Variants in MAN2A1 observed in about 807,000 individuals in gnomAD.
The protein encoded by MAN2A1 is mannosidase alpha class 2A member 1.
In MAN2A1, 76 loss-of-function variants were observed where a neutral mutation model predicts 142.6. The observed-to-expected ratio is 0.53, with a 90% CI of 0.44 to 0.65. MAN2A1 has a LOEUF of 0.65. MAN2A1 is among the 30% of genes least tolerant of loss of function. The pLI is 0.00. For synonymous variants in MAN2A1, 559 were observed against 473.2 expected, an observed-to-expected ratio of 1.18 and a Z score of -2.35; for missense variants, 1,311 against 1,365.1, an observed-to-expected ratio of 0.96 and a Z score of 0.62.
intron 1 of MAN2A1, 36 bp downstream of exon 1, chr5:109,690,588 G>A (rs759098487): frequency 1.3e-6 from 2 of 1,555,650 alleles, no homozygotes; most frequent in Non-Finnish European, 1.7e-6. Flanking sequence ...GGCTCCGAGG[G>A]GCCAGGCGTG....
chr5:109,817,501 G>A lies in MAN2A1; in HGVS notation c.2109+63G>A. The stretch of plus-strand genomic sequence containing the variant: ...AACAAACCTAGCCAGTATATAATTT[G>A]TGTATGTACAGTAGCCCCCATTTAG... On this transcript the variant is annotated intron_variant, in intron 13 of 21. Coordinates refer to ENST00000261483, the MANE Select transcript of MAN2A1 (RefSeq NM_002372.4). 5 of 1,513,746 alleles carry A rather than the reference G, an allele frequency of 3.3e-6. No individual in the cohort carries two copies. In the Admixed American group the frequency reaches 6.8e-5, roughly 21 times the overall value. The allele number at this position is 1,513,746 out of a possible 1,614,324, so 93.8% of individuals were successfully genotyped here. A position where few individuals can be genotyped will look rare whatever the true frequency, so the allele number is the denominator to read the frequency against.
In MAN2A1 at chr5:109,770,407, T is replaced by C. The variant is rs770195644; in HGVS notation, c.1062T>C (p.Tyr354=). 6.8e-6 allele frequency: 11 copies of C among 1,613,962 alleles called. No individual in the cohort carries two copies. The highest frequency in any genetic ancestry group is 1.7e-6 in the Non-Finnish European group (2 of 1,179,928). Residue 354 remains tyrosine (Y), a synonymous_variant, in exon 7 of 22, where the codon TAT becomes TAC. Transcript: ENST00000261483. ...ILCHMMPFYS[Y]DIPHTCGPDP... ...GCCACATGATGCCCTTCTACAGCTA[T>C]GACATCCCTCACACTTGTGGACCTG...
At chr5:109,803,113 A>G (rs1382449797) in intron 12 of MAN2A1, among the ~76,000 whole-genome samples, 1 of 152,106 alleles carries the variant, frequency 6.6e-6, no homozygotes, top group Non-Finnish European at 1.5e-5. Context: ...TCAATTTCAC[A>G]TGAACTTTAA....
rs774986398 is a variant in MAN2A1 at position 109,866,979 on chromosome 5, T to C, written c.3416T>C (p.Phe1139Ser). ...TTGAGTCCAATGGAAATCAGCACAT[T>C]CCGAATCCAGTTGAGGTGAACCTGA... ...INLSPMEISTFRIQLR is the reference protein window; with the variant it reads ...INLSPMEISTSRIQLR Residue 1139 changes from phenylalanine to serine, a missense_variant, in exon 22 of 22, where the codon TTC becomes TCC. Physicochemically the swap from Phe to Ser is radical, Grantham distance 155. Coordinates refer to ENST00000261483, the MANE Select transcript of MAN2A1 (RefSeq NM_002372.4). The C allele has an allele frequency of 1.9e-6, 3 of 1,609,978 alleles. No homozygotes were observed. The highest frequency in any genetic ancestry group is 2.5e-6 in the Non-Finnish European group (3 of 1,178,164).
intron 2 of MAN2A1, among the ~76,000 whole-genome samples, chr5:109,715,708 T>C (rs1025781021): frequency 6.6e-6 from 1 of 152,168 alleles, no homozygotes; most frequent in Non-Finnish European, 1.5e-5. Context: ...TACTATAAAA[T>C]AAAGATAGCA....
rs1469074097 is a variant in MAN2A1, at chr5:109,713,568, C to G, written c.184C>G (p.Leu62Val). The change falls in exon 2 of 22, where the codon CTA (leucine) becomes GTA (valine). Residue 62 changes from leucine (L) to valine (V), a missense_variant. Around this residue, in one of 3 missense-constraint regions of MAN2A1, gnomAD observed 409 missense variants for 412.7 expected, o/e 0.99. Coordinates refer to ENST00000261483, the MANE Select transcript of MAN2A1 (RefSeq NM_002372.4). ...AAAAATAGACCATTTGGAGCGTTTGCTAGCTGAGAATAATGAGATCATCTC... is the reference window on the plus strand; with the variant it reads ...AAAAATAGACCATTTGGAGCGTTTGGTAGCTGAGAATAATGAGATCATCTC... ...QEKIDHLERL[L>V]AENNEIISNI... The G allele has an allele frequency of 3.1e-6, 5 of 1,613,558 alleles. No homozygotes were observed. Among genetic ancestry groups the G allele is most frequent in the East Asian group, 4.5e-5 (2 of 44,870 alleles).
chr5:109,699,031 C>T (rs537227184), intron 1 of MAN2A1, among the ~76,000 whole-genome samples: 2 of 152,184 alleles, frequency 1.3e-5, no homozygotes, highest in East Asian at 1.9e-4. Context: ...TAACTCAATA[C>T]CCCCTACTCT....
chr5:109,732,441 C>T (rs1050960650), intron 4 of MAN2A1, among the ~76,000 whole-genome samples: 14 of 152,144 alleles, frequency 9.2e-5, no homozygotes, highest in Non-Finnish European at 2.1e-4. Flanking sequence ...CTTGCTCATG[C>T]CTATGTCCTG....
At chr5:109,716,703 G>A (rs2112566421) in intron 3 of MAN2A1, among the ~76,000 whole-genome samples, 1 of 152,286 alleles carries the variant, frequency 6.6e-6, no homozygotes, top group East Asian at 1.9e-4. Context: ...GTGTTGATTG[G>A]TTTCAGGCAC....
intron 5 of MAN2A1, among the ~76,000 whole-genome samples, chr5:109,757,362 G>A (rs1178663193): frequency 1.3e-5 from 2 of 152,090 alleles, no homozygotes; most frequent in Non-Finnish European, 1.5e-5. Context: ...AAATGTAGAG[G>A]TCAGTGAGTT....
chr5:109,862,821 A>G (rs753470340), intron 20 of MAN2A1: 2 of 152,200 alleles, frequency 1.3e-5, no homozygotes, highest in South Asian at 2.1e-4. Flanking sequence ...CTTGGACAAG[A>G]TGATTGCTAT....
chr5:109,720,302 A>T (rs1279919461), intron 3 of MAN2A1, among the ~76,000 whole-genome samples: 3 of 152,210 alleles, frequency 2.0e-5, no homozygotes, highest in Non-Finnish European at 4.4e-5. Flanking sequence ...TACACTGGAA[A>T]ATAATTTTCT....
intron 17 of MAN2A1, 32 bp from the exon 18 acceptor site, chr5:109,845,833 C>G (rs2112762237): frequency 1.9e-6 from 3 of 1,580,762 alleles, no homozygotes; most frequent in South Asian, 2.3e-5. Context: ...GTAAATATCA[C>G]TTTTTGTAGA....
chr5:109,694,393 T>C (rs1226901521), intron 1 of MAN2A1, among the ~76,000 whole-genome samples: 2 of 151,588 alleles, frequency 1.3e-5, no homozygotes, highest in Non-Finnish European at 2.9e-5. Flanking sequence ...CAGGCTGGAG[T>C]GCAGTGATGG....
chr5:109,704,358 C>T (rs941270010), intron 1 of MAN2A1, among the ~76,000 whole-genome samples: 11 of 152,154 alleles, frequency 7.2e-5, no homozygotes, highest in East Asian at 3.8e-4. Context: ...TTTTTGTGCT[C>T]ACATCGTGAG....
intron 4 of MAN2A1, among the ~76,000 whole-genome samples, chr5:109,734,512 C>T (rs996056911): frequency 1.3e-5 from 2 of 152,082 alleles, no homozygotes; most frequent in African/African-American, 2.4e-5. Flanking sequence ...GCATTTAGTG[C>T]TATAAATTTC....
At chr5:109,849,825 CT>C (rs1222583991) in intron 19 of MAN2A1, among the ~76,000 whole-genome samples, 1 of 152,092 alleles carries the variant, frequency 6.6e-6, no homozygotes, top group East Asian at 1.9e-4. Context: ...TCCAGAGCCC[CT>C]CATGATATGG....
intron 3 of MAN2A1, among the ~76,000 whole-genome samples, chr5:109,722,790 G>A (rs1162240894): frequency 6.6e-6 from 1 of 152,128 alleles, no homozygotes; most frequent in East Asian, 1.9e-4. Flanking sequence ...AAGCTAAGTA[G>A]CCCCCTCGTG....
intron 16 of MAN2A1, among the ~76,000 whole-genome samples, chr5:109,832,171 T>C (rs966531149): frequency 2.8e-5 from 4 of 145,298 alleles, no homozygotes; most frequent in African/African-American, 7.5e-5. Flanking sequence ...CTTTTTTTTT[T>C]TTTTTTTTTT....
Sources: allele counts gnomAD v4.1 joint callset (sites outside exome capture counted in the v4.1 genomes callset), GRCh38; gene constraint gnomAD v4.1.1; regional missense constraint gnomAD v4.1.1; transcripts MANE v1.5; gene names NCBI Gene and HGNC (gene_info 2026-07-23, HGNC 2026-07-21).